Variants in PRKN observed in about 807,000 individuals in gnomAD.
PRKN encodes E3 ubiquitin-protein ligase parkin.
Under a neutral mutation model 59.5 loss-of-function variants are expected in PRKN, and 56 were observed. That is an observed-to-expected ratio of 0.94 (90% CI 0.76 to 1.18). The LOEUF (loss-of-function observed/expected upper bound fraction) is 1.18, where lower values mean the gene tolerates loss of function less well. Among genes scored for constraint, PRKN ranks in the 50% most tolerant of loss-of-function variants. The probability of loss-of-function intolerance (pLI) is 0.00; values close to 1 mark genes in which losing one functional copy is unlikely to be tolerated. For missense variants in PRKN, 657 were observed against 596.4 expected, an observed-to-expected ratio of 1.10 and a Z score of -1.06; for synonymous variants, 250 against 222.1, an observed-to-expected ratio of 1.13 and a Z score of -1.12.
intron 5 of PRKN, among the ~76,000 whole-genome samples, chr6:162,046,787 C>CT (rs1554264114): frequency 6.6e-6 from 1 of 152,010 alleles, no homozygotes; most frequent in Non-Finnish European, 1.5e-5. Flanking sequence ...ATCATTGACA[C>CT]TTTTTTCCAT....
chr6:162,643,276 T>TA (rs1778033024), intron 1 of PRKN, among the ~76,000 whole-genome samples: 1 of 150,264 alleles, frequency 6.7e-6, no homozygotes, highest in Non-Finnish European at 1.5e-5. Flanking sequence ...CGCATGCCTG[T>TA]AATCCCAGCT....
At chr6:162,716,653 CAGG>C (rs1778731188) in intron 1 of PRKN, among the ~76,000 whole-genome samples, 2 of 152,112 alleles carry the variant, frequency 1.3e-5, no homozygotes, top group African/African-American at 4.8e-5. Flanking sequence ...TATGGGAGTC[CAGG>C]AGAATATTCA....
intron 7 of PRKN, among the ~76,000 whole-genome samples, chr6:161,772,471 T>C (rs1208366513): frequency 6.6e-6 from 1 of 152,200 alleles, no homozygotes; most frequent in African/African-American, 2.4e-5. Flanking sequence ...TGTTCTGATA[T>C]AGGCCGTGGG....
In PRKN at chr6:161,578,697, A is replaced by C. The variant is rs1483981420; in HGVS notation, c.872-9281T>G. 6.6e-6 allele frequency among the ~76,000 whole-genome samples: 1 copy of C among 152,192 alleles called. No individual in the cohort carries two copies. The highest frequency in any genetic ancestry group is 1.5e-5 in the Non-Finnish European group (1 of 68,038). On this transcript the variant is annotated intron_variant, in intron 7 of 11. Coordinates refer to ENST00000366898, the MANE Select transcript of PRKN (RefSeq NM_004562.3). The surrounding 1 kb of genome is among the most constrained non-coding windows in gnomAD (Gnocchi z 4.2). ...TCCACACGATGGTGTCACTTCCTGC[A>C]CTAGATCTAATCAGCGCTGCTCTGC... is the stretch of plus-strand genomic sequence containing the variant.
chr6:161,749,138 T>C (rs778110865), intron 7 of PRKN, among the ~76,000 whole-genome samples: 2 of 152,186 alleles, frequency 1.3e-5, no homozygotes, highest in African/African-American at 2.4e-5. Flanking sequence ...AAGCTTCTTG[T>C]GTTGCTAACC....
chr6:161,370,851 G>C (rs1319511092), intron 10 of PRKN, among the ~76,000 whole-genome samples: 4 of 152,190 alleles, frequency 2.6e-5, no homozygotes, highest in Non-Finnish European at 5.9e-5. Flanking sequence ...GCTTTCAGGT[G>C]AATGACAGCT....
At chr6:162,026,811 A>G (rs1783453543) in intron 5 of PRKN, among the ~76,000 whole-genome samples, 1 of 152,160 alleles carries the variant, frequency 6.6e-6, no homozygotes, top group Non-Finnish European at 1.5e-5. Flanking sequence ...AATTATTGGT[A>G]TGTTGTTGGC....
At chr6:161,750,491 G>A (rs1214791821) in intron 7 of PRKN, among the ~76,000 whole-genome samples, 1 of 152,046 alleles carries the variant, frequency 6.6e-6, no homozygotes, top group Non-Finnish European at 1.5e-5. Context: ...GTATTGGCCA[G>A]GTGTGGTGGC....
intron 7 of PRKN, among the ~76,000 whole-genome samples, chr6:161,690,088 C>G (rs1385778528): frequency 6.6e-6 from 1 of 152,144 alleles, no homozygotes. Flanking sequence ...ATTCCATGCT[C>G]TAACTTCCCC....
At chr6:162,140,427 GCAGTACAATGAAGAAAAGCAATCGTGA>G (rs1329772247) in intron 4 of PRKN, among the ~76,000 whole-genome samples, 4 of 152,178 alleles carry the variant, frequency 2.6e-5, no homozygotes, top group African/African-American at 9.7e-5. Flanking sequence ...GGTATGCAGT[GCAGTACAATGAAGAAAAGCAATCGTGA>G]CAACTGAAAA....
At chr6:162,158,807 G>A (rs964424953) in intron 4 of PRKN, among the ~76,000 whole-genome samples, 2 of 151,904 alleles carry the variant, frequency 1.3e-5, no homozygotes, top group African/African-American at 2.4e-5. Context: ...TGTGGTCCAT[G>A]TTACTTGGGA....
chr6:162,068,634 C>T (rs1778440480), intron 4 of PRKN, among the ~76,000 whole-genome samples: 1 of 152,200 alleles, frequency 6.6e-6, no homozygotes, highest in Non-Finnish European at 1.5e-5. Context: ...AGCTTCCTCA[C>T]CTTGGCAGTT....
intron 9 of PRKN, among the ~76,000 whole-genome samples, chr6:161,508,956 C>T (rs1458671038): frequency 2.6e-5 from 4 of 151,936 alleles, no homozygotes; most frequent in Admixed American, 6.6e-5. Context: ...GTGATTCTCC[C>T]GCCTCAGCCT....
chr6:162,006,951 G>T (rs1404423692), intron 5 of PRKN, among the ~76,000 whole-genome samples: 1 of 151,878 alleles, frequency 6.6e-6, no homozygotes, highest in Non-Finnish European at 1.5e-5. Context: ...CCAGCACATT[G>T]TATGGCTTCA....
At chr6:162,143,949 T>C (rs979785814) in intron 4 of PRKN, among the ~76,000 whole-genome samples, 4 of 152,214 alleles carry the variant, frequency 2.6e-5, no homozygotes, top group African/African-American at 9.6e-5. Context: ...GTCAAAAATA[T>C]ATAATTTCAT....
At chr6:162,310,473 C>A (rs1469595021) in intron 2 of PRKN, among the ~76,000 whole-genome samples, 1 of 152,080 alleles carries the variant, frequency 6.6e-6, no homozygotes, top group Non-Finnish European at 1.5e-5. Flanking sequence ...GAAAATGGGT[C>A]CCTGGAGCCT....
chr6:161,927,491 GAT>G (rs1491409823), intron 6 of PRKN, among the ~76,000 whole-genome samples: 1 of 152,120 alleles, frequency 6.6e-6, no homozygotes, highest in Non-Finnish European at 1.5e-5. Context: ...AAGCAAAGAT[GAT>G]AATAGAGTCC....
At chr6:161,606,104 A>G (rs1782272251) in intron 7 of PRKN, among the ~76,000 whole-genome samples, 1 of 152,162 alleles carries the variant, frequency 6.6e-6, no homozygotes, top group Non-Finnish European at 1.5e-5. Flanking sequence ...CTGTTTTTCT[A>G]TCCCAAAGGT....
At chr6:162,157,180 C>G (rs138935622) in intron 4 of PRKN, among the ~76,000 whole-genome samples, 4 of 151,678 alleles carry the variant, frequency 2.6e-5, no homozygotes, top group African/African-American at 7.3e-5. Flanking sequence ...TCTTTTTAGT[C>G]TATTCTCTTC....
Sources: allele counts gnomAD v4.1 joint callset (sites outside exome capture counted in the v4.1 genomes callset), GRCh38; gene constraint gnomAD v4.1.1; non-coding constraint Gnocchi (gnomAD v3.1); transcripts MANE v1.5; gene names NCBI Gene and HGNC (gene_info 2026-07-23, HGNC 2026-07-21).